ANK2: variants seen among roughly 807,000 people sequenced by gnomAD.
ANK2 encodes ankyrin-2.
A neutral mutation model predicts 360.5 loss-of-function variants in ANK2; 83 were observed. The ratio of observed to expected loss-of-function variants is 0.23; its 90% CI spans 0.19 to 0.28. The LOEUF (loss-of-function observed/expected upper bound fraction) is 0.28. ANK2 is among the 10% of genes least tolerant of loss of function. The probability of loss-of-function intolerance (pLI) is 1.00; values close to 1 mark genes in which losing one functional copy is unlikely to be tolerated. For missense variants in ANK2, 4,201 were observed against 4,795.7 expected (o/e 0.88, Z 3.66); for synonymous variants, 1,740 against 1,759.5 (o/e 0.99, Z 0.28).
chr4:112,928,711 A>G (rs998236953), intron 2 of ANK2, among the ~76,000 whole-genome samples: 5 of 152,224 alleles, frequency 3.3e-5, no homozygotes, highest in Admixed American at 6.5e-5. Context: ...ACATGAGGAC[A>G]CAGGGAAGAG....
chr4:113,062,733 T>C (rs950843085), intron 1 of ANK2, among the ~76,000 whole-genome samples: 1 of 152,088 alleles, frequency 6.6e-6, no homozygotes, highest in Non-Finnish European at 1.5e-5. Flanking sequence ...GCTGGCTAGG[T>C]CTTTCAGTAT....
intron 33 of ANK2, 110 bp from the exon 34 acceptor site, chr4:113,342,907 G>A: frequency 7.4e-7 from 1 of 1,350,916 alleles, no homozygotes; most frequent in Non-Finnish European, 1.0e-6. Context: ...AAAGATGGTT[G>A]TATGTGTATT....
At chr4:112,730,299 T>C in the ANK2 span, among the ~76,000 whole-genome samples, 1 of 144,712 alleles carries the variant, frequency 6.9e-6, no homozygotes, top group Non-Finnish European at 1.5e-5. Context: ...AGGAGACCTA[T>C]TGAACATCAT....
chr4:112,963,562 G>A (rs1408158414), intron 2 of ANK2, among the ~76,000 whole-genome samples: 1 of 152,126 alleles, frequency 6.6e-6, no homozygotes, highest in Non-Finnish European at 1.5e-5. Flanking sequence ...AGTAGCACGT[G>A]TCTTGAGAAG....
intron 1 of ANK2, among the ~76,000 whole-genome samples, chr4:112,861,700 G>T (rs770825386): frequency 6.6e-6 from 1 of 152,142 alleles, no homozygotes; most frequent in Non-Finnish European, 1.5e-5. Flanking sequence ...ACCTGAAAGG[G>T]CTTCTAACTC....
chr4:113,367,489 C>T lies in ANK2; in HGVS notation c.11033-77C>T, dbSNP rs934804955. On this transcript the variant is annotated intron_variant, in intron 41 of 45. Transcript: ENST00000357077. Reference sequence around the variant, plus strand: ...TTTATCTTCTTATTTTTTTTATCCTCTTATATTTATTACTTAATAAATATC... The same window carrying T: ...TTTATCTTCTTATTTTTTTTATCCTTTTATATTTATTACTTAATAAATATC... 4.6e-5 allele frequency: 63 copies of T among 1,354,996 alleles called. No homozygotes were observed. The African/African-American group carries it at 6.5e-4, about 14-fold the overall frequency. 83.9% of individuals were successfully genotyped at this position (1,354,996 alleles called of 1,614,324 possible).
At chr4:113,146,027 G>A in intron 1 of ANK2, 2 of 1,289,516 alleles carry the variant, frequency 1.6e-6, no homozygotes, top group Non-Finnish European at 2.0e-6. Context: ...CACAAAGGAG[G>A]AGGAAGGGAG....
At chr4:113,365,228 T>C in intron 41 of ANK2, 46 bp downstream of exon 41, 1 of 1,585,408 alleles carries the variant, frequency 6.3e-7, no homozygotes, top group South Asian at 1.1e-5. Flanking sequence ...TGTGTGTGTG[T>C]GTGTTGTGTC....
chr4:112,775,598 G>A, the ANK2 span, among the ~76,000 whole-genome samples: 1 of 151,132 alleles, frequency 6.6e-6, no homozygotes, highest in Non-Finnish European at 1.5e-5. Flanking sequence ...CCAGGTGAGT[G>A]TTGGGTATCG....
At chr4:113,069,014 G>T (rs1420750352) in intron 1 of ANK2, among the ~76,000 whole-genome samples, 1 of 152,110 alleles carries the variant, frequency 6.6e-6, no homozygotes, top group Admixed American at 6.5e-5. Context: ...AGTGAGCCAT[G>T]ATAGGGCTAC....
Position 113,026,769 on chromosome 4 carries a change from T to C in ANK2, c.21+122255T>C, listed in dbSNP as rs965353818. ...TGAGTAATCAAGGAAAAGGGAGTTA[T>C]TCATAATAGTCAGCTCTGCTGACTG... On this transcript the variant is annotated intron_variant, in intron 2 of 30. Transcript: ENST00000503271. Among the ~76,000 whole-genome samples the C allele has an allele frequency of 2.6e-5, 4 of 152,156 alleles. 1 individual carries two copies. The South Asian group carries it at 8.3e-4, about 32-fold the overall frequency.
the ANK2 span, among the ~76,000 whole-genome samples, chr4:112,781,943 C>G: frequency 6.7e-6 from 1 of 150,200 alleles, no homozygotes; most frequent in African/African-American, 2.5e-5. Flanking sequence ...GGTTCTCCTG[C>G]CTCTGCCTCC....
chr4:112,996,708 C>A (rs115593422), intron 2 of ANK2, among the ~76,000 whole-genome samples: 1 of 152,068 alleles, frequency 6.6e-6, no homozygotes, highest in African/African-American at 2.4e-5. Flanking sequence ...AGGTATCCAT[C>A]CCTTTAAGCA....
At chr4:113,104,597 C>T (rs1437706105) in intron 1 of ANK2, among the ~76,000 whole-genome samples, 1 of 152,146 alleles carries the variant, frequency 6.6e-6, no homozygotes, top group Non-Finnish European at 1.5e-5. Flanking sequence ...CGTCTGTGGT[C>T]TCAGCTACTT....
intron 1 of ANK2, among the ~76,000 whole-genome samples, chr4:113,156,799 A>G (rs942281534): frequency 3.3e-5 from 5 of 150,018 alleles, no homozygotes; most frequent in African/African-American, 1.2e-4. Context: ...TATATATATT[A>G]TATATATAAA....
the ANK2 span, among the ~76,000 whole-genome samples, chr4:112,706,409 TACAGACACACAC>T: frequency 6.6e-6 from 1 of 151,902 alleles, no homozygotes; most frequent in Non-Finnish European, 1.5e-5. Flanking sequence ...CAGACACACA[TACAGACACACAC>T]GCAGATAGCC....
intron 26 of ANK2, among the ~76,000 whole-genome samples, chr4:113,324,450 G>A (rs145876191): frequency 5.3e-4 from 81 of 152,128 alleles, no homozygotes; most frequent in African/African-American, 1.8e-3. Context: ...CATCCATTAT[G>A]GTACTACAAA....
the ANK2 span, among the ~76,000 whole-genome samples, chr4:112,724,556 T>TACACACACACAC: frequency 3.9e-3 from 551 of 141,756 alleles, 4 homozygotes; most frequent in African/African-American, 0.013. Context: ...CACACACACA[T>TACACACACACAC]ACACACACAC....
chr4:112,802,592 T>C, the ANK2 span, among the ~76,000 whole-genome samples: 3 of 152,206 alleles, frequency 2.0e-5, no homozygotes, highest in African/African-American at 7.2e-5. Flanking sequence ...TTCCTTTATA[T>C]AACCTTATAT....
Sources: gnomAD v4.1 joint callset for allele counts (sites outside exome capture counted in the v4.1 genomes callset) on GRCh38, gnomAD v4.1.1 for gene constraint, MANE v1.5 for transcripts, NCBI Gene and HGNC (gene_info 2026-07-23, HGNC 2026-07-21) for gene names.